The following GPR107 variants were observed in gnomAD, a reference collection of about 807,000 sequenced individuals.
GPR107 encodes the protein G protein-coupled receptor 107.
In GPR107, 31 loss-of-function variants were observed where a neutral mutation model predicts 75.5. That is an observed-to-expected ratio of 0.41 (90% CI 0.31 to 0.55). GPR107 has a LOEUF of 0.55. Among genes scored for constraint, GPR107 ranks in the 20% least tolerant of loss-of-function variants. The pLI is 0.26. For missense variants in GPR107, 572 were observed against 665.7 expected (o/e 0.86, Z 1.55); for synonymous variants, 267 against 251.3 (o/e 1.06, Z -0.59).
At chr9:130,116,761 A>G (rs1213414835) in intron 14 of GPR107, among the ~76,000 whole-genome samples, 1 of 152,148 alleles carries the variant, frequency 6.6e-6, no homozygotes, top group African/African-American at 2.4e-5. Context: ...TGTCAGAGCT[A>G]GCTTTCCTGG....
rs1554900032 is a variant in GPR107, at chr9:130,136,734, T to C, written c.*1613T>C. On this transcript the variant is annotated 3_prime_UTR_variant, in exon 18 of 18. Transcript: ENST00000347136. ...ACTAATGAGGAAGCGGGTGTTCTTT[T>C]TCTGCACTTTGATTCGCCATCTGGG... 6.6e-6 allele frequency: 1 copy of C among 152,308 alleles called. No individual in the cohort carries two copies. Among genetic ancestry groups the C allele is most frequent in the African/African-American group, 2.4e-5 (1 of 41,466 alleles). The allele number at this position is 152,308 out of a possible 1,614,324, so 9.4% of individuals were successfully genotyped here.
chr9:130,127,857 C>T (rs1168905866), intron 16 of GPR107, among the ~76,000 whole-genome samples: 1 of 152,208 alleles, frequency 6.6e-6, no homozygotes, highest in Non-Finnish European at 1.5e-5. Context: ...GATGCACCAC[C>T]ATGCCCAGTT....
At chr9:130,132,769 GA>G in intron 17 of GPR107, among the ~76,000 whole-genome samples, 1 of 151,468 alleles carries the variant, frequency 6.6e-6, no homozygotes. Flanking sequence ...CTGGGTGACA[GA>G]GCGAGACTTC....
chr9:130,071,793 C>T (rs1358661593), intron 1 of GPR107, among the ~76,000 whole-genome samples: 1 of 152,052 alleles, frequency 6.6e-6, no homozygotes, highest in African/African-American at 2.4e-5. Context: ...AGGCGATTCT[C>T]CTGCCTCAGC....
intron 5 of GPR107, 89 bp downstream of exon 5, chr9:130,079,858 A>C: frequency 1.3e-6 from 1 of 787,682 alleles, no homozygotes; most frequent in South Asian, 2.2e-5. Flanking sequence ...GTAAAACATG[A>C]TCTGTTGTCG....
At chr9:130,130,418 G>A (rs894200837) in intron 17 of GPR107, among the ~76,000 whole-genome samples, 7 of 152,178 alleles carry the variant, frequency 4.6e-5, no homozygotes, top group South Asian at 2.1e-4. Context: ...ATTCCAGAAC[G>A]CTGTCCTCAT....
At chr9:130,096,470 T>TTA (rs1399943786) in intron 9 of GPR107, among the ~76,000 whole-genome samples, 4 of 140,442 alleles carry the variant, frequency 2.8e-5, no homozygotes, top group South Asian at 2.3e-4. Context: ...TTTTTGGACT[T>TTA]TTTTTTTTTT....
chr9:130,117,046 A>C (rs59984451), intron 14 of GPR107, among the ~76,000 whole-genome samples: 1,637 of 151,894 alleles, frequency 0.011, 30 homozygotes, highest in African/African-American at 0.038. Flanking sequence ...TCCTGGGTTC[A>C]AGCGATTCTC....
intron 6 of GPR107, among the ~76,000 whole-genome samples, chr9:130,084,603 C>T (rs889850610): frequency 3.3e-5 from 5 of 151,370 alleles, no homozygotes; most frequent in Admixed American, 2.6e-4. Context: ...CATGGCGAAA[C>T]CTTATCTCTA....
At chr9:130,128,845 C>G in intron 17 of GPR107, 84 bp downstream of exon 17, 1 of 1,286,734 alleles carries the variant, frequency 7.8e-7, no homozygotes, top group Non-Finnish European at 1.1e-6. Context: ...GTCGGCTGCT[C>G]TCAGCATTTC....
In GPR107 at chr9:130,103,266, T is replaced by C. The variant is rs992352592; in HGVS notation, c.1132-1154T>C. Among the ~76,000 whole-genome samples the C allele has an allele frequency of 2.0e-5, 3 of 152,224 alleles. No homozygotes were observed. The highest frequency in any genetic ancestry group is 2.9e-5 in the Non-Finnish European group (2 of 68,044). On this transcript the variant is annotated intron_variant, in intron 12 of 17. Coordinates refer to ENST00000347136, the MANE Select transcript of GPR107 (RefSeq NM_020960.5). The surrounding 1 kb of genome is among the most constrained non-coding windows in gnomAD (Gnocchi z 4.3). ...TTTCGGATAATTTGATTCTAAGTCC[T>C]GTATAGAAAGAGAAATTAAACTTAG...
chr9:130,075,758 CT>C lies in GPR107; in HGVS notation c.255+13del. ...AAGACAAGGATGTGACTGTAAGTAC[CT>C]TTTAATGAGATCCAGGGGTTTACTC... On this transcript the variant is annotated intron_variant, in intron 2 of 17. Transcript: ENST00000347136. 2.4e-6 allele frequency: 3 copies of C among 1,236,184 alleles called. No homozygotes were observed. Among genetic ancestry groups the C allele is most frequent in the Non-Finnish European group, 3.6e-6 (3 of 839,508 alleles). 76.6% of individuals were successfully genotyped at this position (1,236,184 alleles called of 1,614,324 possible).
At chr9:130,086,623 C>G in intron 7 of GPR107, 147 bp downstream of exon 7, 1 of 632,168 alleles carries the variant, frequency 1.6e-6, no homozygotes, top group East Asian at 2.7e-5. Context: ...CTCCTTATAA[C>G]AAGCCCACAA....
chr9:130,111,871 C>T (rs1265664698), intron 14 of GPR107, among the ~76,000 whole-genome samples: 3 of 152,134 alleles, frequency 2.0e-5, no homozygotes, highest in South Asian at 2.1e-4. Flanking sequence ...TCTCCTGTCA[C>T]GCGCAGTGGC....
chr9:130,077,340 C>T lies in GPR107; in HGVS notation c.348C>T (p.Val116=), dbSNP rs1051326856. ...ACTGTATTTTAAAGAAACAGTCTGT[C>T]TCTGTCACCCTTTTAATCCTAGACA... ...VNYCILKKQS[V]SVTLLILDIS... Residue 116 remains valine, a synonymous_variant, in exon 4 of 18, where the codon GTC becomes GTT. Transcript: ENST00000347136. 2 of 1,572,864 alleles carry T rather than the reference C, an allele frequency of 1.3e-6. No individual in the cohort carries two copies. The highest frequency in any genetic ancestry group is 1.3e-5 in the African/African-American group (1 of 74,112).
intron 1 of GPR107, among the ~76,000 whole-genome samples, chr9:130,061,241 C>A (rs1829918885): frequency 6.6e-6 from 1 of 151,944 alleles, no homozygotes; most frequent in Non-Finnish European, 1.5e-5. Context: ...CTTCTAAACA[C>A]CTGAATGCAC....
intron 5 of GPR107, among the ~76,000 whole-genome samples, chr9:130,080,447 A>C (rs1195733106): frequency 6.6e-6 from 1 of 151,682 alleles, no homozygotes; most frequent in East Asian, 1.9e-4. Context: ...AAATCCTAAA[A>C]TGAAAGGCAA....
At chr9:130,115,866 G>A (rs1831417900) in intron 14 of GPR107, among the ~76,000 whole-genome samples, 1 of 151,866 alleles carries the variant, frequency 6.6e-6, no homozygotes, top group Non-Finnish European at 1.5e-5. Context: ...GCCTCTCAAA[G>A]TGCTGGGATT....
At chr9:130,118,895 TG>T (rs1831486411) in intron 14 of GPR107, among the ~76,000 whole-genome samples, 1 of 152,190 alleles carries the variant, frequency 6.6e-6, no homozygotes. Flanking sequence ...CCAGCTGAGA[TG>T]GGGCAGGGCT....
Sources: gnomAD v4.1 joint callset for allele counts (sites outside exome capture counted in the v4.1 genomes callset) on GRCh38, gnomAD v4.1.1 for gene constraint, Gnocchi (gnomAD v3.1) non-coding constraint, MANE v1.5 for transcripts, NCBI Gene and HGNC (gene_info 2026-07-23, HGNC 2026-07-21) for gene names.